MAU2: variants seen among roughly 807,000 people sequenced by gnomAD.
MAU2 encodes the protein MAU2 sister chromatid cohesion factor, also known as MAU2 chromatid cohesion factor homolog.
Under a neutral mutation model 89.1 loss-of-function variants are expected in MAU2, and 9 were observed. That is an observed-to-expected ratio of 0.10 (90% CI 0.06 to 0.18). The LOEUF (loss-of-function observed/expected upper bound fraction) is 0.18, where lower values mean the gene tolerates loss of function less well. Among genes scored for constraint, MAU2 ranks in the 10% least tolerant of loss-of-function variants. MAU2 has a pLI of 1.00. For synonymous variants in MAU2, 357 were observed against 343.4 expected, an observed-to-expected ratio of 1.04 and a Z score of -0.44; for missense variants, 425 against 803.5, an observed-to-expected ratio of 0.53 and a Z score of 5.69.
At chr19:19,330,348 A>C (rs2061545959) in intron 1 of MAU2, among the ~76,000 whole-genome samples, 3 of 151,776 alleles carry the variant, frequency 2.0e-5, no homozygotes. Context: ...TAATCCCGGC[A>C]CTTTGGGAGG....
At chr19:19,346,939 AGGTTGCT>A in intron 12 of MAU2, 1 of 242,810 alleles carries the variant, frequency 4.1e-6, no homozygotes, top group Non-Finnish European at 8.0e-6. Flanking sequence ...TGGGTCCCAC[AGGTTGCT>A]GGCTGTGGCC....
At chr19:19,336,497 C>G (rs929349538) in intron 3 of MAU2, among the ~76,000 whole-genome samples, 7 of 152,106 alleles carry the variant, frequency 4.6e-5, no homozygotes, top group African/African-American at 1.7e-4. Flanking sequence ...GATGATCTCG[C>G]CCAGGCTGGC....
rs1555792822 is a variant in MAU2 at position 19,326,683 on chromosome 19, CA to C, written c.276+5557del. Among the ~76,000 whole-genome samples the C allele has an allele frequency of 2.5e-4, 12 of 47,530 alleles. 1 individual carries two copies. The highest frequency in any genetic ancestry group is 4.8e-4 in the Admixed American group (2 of 4,210). The allele number at this position is 47,530 out of a possible 152,430, so 31.2% of individuals were successfully genotyped here. On this transcript the variant is annotated intron_variant, in intron 1 of 18. Transcript: ENST00000262815. ...ACTGGGCGAAAGAGCGAGACTGTCTCAAAAAAAAATATATATATGTATATAT... is the reference window on the plus strand; with the variant it reads ...ACTGGGCGAAAGAGCGAGACTGTCTCAAAAAAAATATATATATGTATATAT...
rs778084884 is a variant in MAU2, at chr19:19,341,248, C to G, written c.580-4C>G. ...ACCCTACACCTGCGCCTCTCCCTCCCCAGCTGCTGCTGATGGAGCGAAAGC... is the reference window on the plus strand; with the variant it reads ...ACCCTACACCTGCGCCTCTCCCTCCGCAGCTGCTGCTGATGGAGCGAAAGC... On this transcript the variant is annotated splice_polypyrimidine_tract_variant and splice_region_variant and intron_variant, in intron 6 of 18. Coordinates refer to ENST00000262815, the MANE Select transcript of MAU2 (RefSeq NM_015329.4). The G allele has an allele frequency of 1.2e-6, 2 of 1,610,244 alleles. No homozygotes were observed. The highest frequency in any genetic ancestry group is 1.7e-6 in the Non-Finnish European group (2 of 1,179,782).
chr19:19,351,139 CT>C (rs1224289888), intron 16 of MAU2, among the ~76,000 whole-genome samples: 2 of 151,320 alleles, frequency 1.3e-5, no homozygotes, highest in Admixed American at 1.3e-4. Context: ...CCTTCACCCC[CT>C]GTAGGCTCAA....
chr19:19,340,650 T>A (rs747166045), intron 5 of MAU2, among the ~76,000 whole-genome samples, 196 bp from the exon 6 acceptor site: 6 of 151,986 alleles, frequency 3.9e-5, no homozygotes, highest in Non-Finnish European at 7.4e-5. Flanking sequence ...AAAAAATAAA[T>A]AAATAAATAA....
chr19:19,335,659 C>G, intron 1 of MAU2, 59 bp from the exon 2 acceptor site: 2 of 1,588,086 alleles, frequency 1.3e-6, no homozygotes, highest in South Asian at 1.1e-5. Flanking sequence ...CAGAGCGAGC[C>G]AGTAACCAGG....
At chr19:19,333,586 T>G (rs1313041980) in intron 1 of MAU2, among the ~76,000 whole-genome samples, 1 of 152,218 alleles carries the variant, frequency 6.6e-6, no homozygotes, top group Non-Finnish European at 1.5e-5. Context: ...GGGTGTAGTA[T>G]TCTGAGGCAT....
rs2061448303 is a variant in MAU2 at position 19,321,019 on chromosome 19, G to C, written c.160G>C (p.Val54Leu). Residue 54 changes from valine to leucine, a missense_variant, in exon 1 of 19, where the codon GTG becomes CTG. Transcript: ENST00000262815. ...IRLCVHCLQA[V>L]FPFKPPQRIE... ...CCTGTGCGTGCACTGCCTGCAGGCC[G>C]TGTTCCCCTTCAAGCCGCCGCAGCG... The C allele has an allele frequency of 2.5e-6, 4 of 1,611,954 alleles. No individual in the cohort carries two copies. The highest frequency in any genetic ancestry group is 1.1e-5 in the South Asian group (1 of 90,606).
Position 19,348,880 on chromosome 19 carries a change from C to T in MAU2, c.1309-9C>T, listed in dbSNP as rs369399970. ...GCAGAATGGTGCTGACTGGCTCTTT[C>T]CCCCGCAGCTCTACAGTCTGCTGGA... On this transcript the variant is annotated splice_polypyrimidine_tract_variant and intron_variant, in intron 13 of 18. Transcript: ENST00000262815. 2.1e-4 allele frequency: 331 copies of T among 1,613,968 alleles called. No homozygotes were observed. In the African/African-American group the frequency reaches 3.1e-3, roughly 15 times the overall value.
At chr19:19,337,141 C>T (rs777537767) in intron 3 of MAU2, 29 bp from the exon 4 acceptor site, 10 of 1,420,210 alleles carry the variant, frequency 7.0e-6, no homozygotes, top group Middle Eastern at 1.8e-4. Context: ...TTTTTTCTTA[C>T]ATTCCCAAAC....
At position 19,320,839 on chromosome 19, in the gene MAU2, CTTG is replaced by C; in HGVS notation, c.-13_-11del. On this transcript the variant is annotated 5_prime_UTR_variant, in exon 1 of 19. Coordinates refer to ENST00000262815, the MANE Select transcript of MAU2 (RefSeq NM_015329.4). ...TGCTTCCGCCTCCCTGTGGCGGCGG[CTTG>C]TTGTTGTGGAGGCCAAAATGGCGGC... 2.0e-6 allele frequency: 3 copies of C among 1,502,060 alleles called. No homozygotes were observed. Among genetic ancestry groups the C allele is most frequent in the Non-Finnish European group, 8.8e-7 (1 of 1,138,698 alleles). The allele number at this position is 1,502,060 out of a possible 1,614,324, so 93.0% of individuals were successfully genotyped here.
intron 4 of MAU2, among the ~76,000 whole-genome samples, chr19:19,337,960 A>T (rs1599905717): frequency 6.6e-6 from 1 of 152,060 alleles, no homozygotes; most frequent in African/African-American, 2.4e-5. Flanking sequence ...CCTGGGCTCC[A>T]CCCATACTTC....
At position 19,356,077 on chromosome 19, in the gene MAU2, G is replaced by T; in HGVS notation, c.*295G>T. 1 of 574,516 alleles carries T rather than the reference G, an allele frequency of 1.7e-6. No individual in the cohort carries two copies. Among genetic ancestry groups the T allele is most frequent in the Non-Finnish European group, 3.3e-6 (1 of 302,602 alleles). 35.6% of individuals were successfully genotyped at this position (574,516 alleles called of 1,614,324 possible). A position where few individuals can be genotyped will look rare whatever the true frequency, so the allele number is the denominator to read the frequency against. On this transcript the variant is annotated 3_prime_UTR_variant, in exon 19 of 19. Coordinates refer to ENST00000262815, the MANE Select transcript of MAU2 (RefSeq NM_015329.4). ...CCTGCCTCAGCATCTGGGTCACGTCGGCCAGGAGTAGGGTGCAGGCCTCCA... is the reference window on the plus strand; with the variant it reads ...CCTGCCTCAGCATCTGGGTCACGTCTGCCAGGAGTAGGGTGCAGGCCTCCA...
intron 7 of MAU2, 27 bp from the exon 8 acceptor site, chr19:19,342,508 G>A: frequency 1.3e-6 from 2 of 1,531,896 alleles, no homozygotes. Flanking sequence ...AGGCTCAGGT[G>A]GATGCTCGGG....
chr19:19,336,466 A>AT (rs563912190), intron 3 of MAU2, among the ~76,000 whole-genome samples: 3 of 151,702 alleles, frequency 2.0e-5, no homozygotes, highest in Non-Finnish European at 2.9e-5. Flanking sequence ...TGCCTGGCTA[A>AT]TTTTTTTTAT....
chr19:19,329,174 C>A, intron 1 of MAU2: 1 of 454,298 alleles, frequency 2.2e-6, no homozygotes, highest in Non-Finnish European at 4.4e-6. Context: ...GCAGTTCTTT[C>A]ATTCTTCAGG....
intron 13 of MAU2, 108 bp from the exon 14 acceptor site, chr19:19,348,781 C>T (rs1298796981): frequency 2.2e-5 from 27 of 1,238,288 alleles, no homozygotes; most frequent in Non-Finnish European, 3.0e-5. Flanking sequence ...GCCTGGAGGC[C>T]ACAGTCCCGA....
intron 1 of MAU2, among the ~76,000 whole-genome samples, chr19:19,322,472 G>A (rs1287013393): frequency 6.6e-6 from 1 of 152,184 alleles, no homozygotes; most frequent in African/African-American, 2.4e-5. Context: ...ACTGACGCGG[G>A]CCTGTAGTCC....
Sources: gnomAD v4.1 joint callset for allele counts (sites outside exome capture counted in the v4.1 genomes callset) on GRCh38, gnomAD v4.1.1 for gene constraint, MANE v1.5 for transcripts, NCBI Gene and HGNC (gene_info 2026-07-23, HGNC 2026-07-21) for gene names.